Variants in RBPJ observed in about 807,000 individuals in gnomAD.
RBPJ encodes the protein recombination signal binding protein for immunoglobulin kappa J region.
In RBPJ, 9 loss-of-function variants were observed where a neutral mutation model predicts 67.8. That is an observed-to-expected ratio of 0.13 (90% CI 0.08 to 0.23). RBPJ has a LOEUF of 0.23. Ranked by LOEUF, RBPJ falls within the 10% of genes least tolerant of loss-of-function variation. The pLI, the probability that RBPJ is intolerant of heterozygous loss-of-function variation, is 1.00. For missense variants in RBPJ, 305 were observed against 595.6 expected, an observed-to-expected ratio of 0.51 and a Z score of 5.08; for synonymous variants, 198 against 203.3, an observed-to-expected ratio of 0.97 and a Z score of 0.22.
the RBPJ span, among the ~76,000 whole-genome samples, chr4:26,149,043 T>C: frequency 2.6e-5 from 4 of 152,022 alleles, no homozygotes; most frequent in African/African-American, 9.7e-5. Flanking sequence ...ACATGAAGAG[T>C]GGGGCCACAT....
chr4:26,186,914 CCCATTTTAAAAAATACACA>C (rs1717285722), intron 1 of RBPJ, among the ~76,000 whole-genome samples: 1 of 152,154 alleles, frequency 6.6e-6, no homozygotes, highest in East Asian at 1.9e-4. Context: ...CTCACTATCA[CCCATTTTAAAAAATACACA>C]AACAAGGCCT....
rs571189054 is a variant in RBPJ at position 26,208,620 on chromosome 4, G to A, written c.-167+45006G>A. ...CACAAGCCATATATCCTATTATGAT[G>A]AACCCAGTTTATCCATTGCTCCTTT... On this transcript the variant is annotated intron_variant, in intron 1 of 4. Coordinates refer to the RBPJ transcript ENST00000512351. 2.4e-4 allele frequency among the ~76,000 whole-genome samples: 36 copies of A among 152,280 alleles called. No homozygotes were observed. The South Asian group carries it at 7.0e-3, about 30-fold the overall frequency.
intron 2 of RBPJ, among the ~76,000 whole-genome samples, chr4:26,387,842 T>C (rs534124729): frequency 2.5e-4 from 38 of 152,314 alleles, no homozygotes; most frequent in Middle Eastern, 3.4e-3. Context: ...ATCTCATAAT[T>C]TATGGGGCAT....
the RBPJ span, among the ~76,000 whole-genome samples, chr4:26,141,761 G>A: frequency 6.5e-4 from 99 of 152,292 alleles, no homozygotes; most frequent in African/African-American, 2.1e-3. Context: ...CTGTCTAGCT[G>A]TAATTTTGCG....
rs558396761 is a variant in RBPJ at position 26,293,829 on chromosome 4, C to T, written c.-166-68617C>T. Among the ~76,000 whole-genome samples the T allele has an allele frequency of 4.3e-4, 66 of 152,314 alleles. 2 individuals carry two copies. In the South Asian group the frequency reaches 0.014, roughly 32 times the overall value. Reference sequence around the variant, plus strand: ...CTGGAGTGCAGTGGCACGATCTCTGCTCACTGCAACCTCTGCCTCCCAGGT... The same window carrying T: ...CTGGAGTGCAGTGGCACGATCTCTGTTCACTGCAACCTCTGCCTCCCAGGT... On this transcript the variant is annotated intron_variant, in intron 1 of 4. Coordinates refer to the RBPJ transcript ENST00000512351.
At chr4:26,140,647 A>G in the RBPJ span, among the ~76,000 whole-genome samples, 6 of 55,350 alleles carry the variant, frequency 1.1e-4, no homozygotes, top group Non-Finnish European at 2.0e-4. Flanking sequence ...CCCAAATCAC[A>G]TTGCCTCTGA....
At chr4:26,370,328 G>A (rs568745072) in intron 1 of RBPJ, among the ~76,000 whole-genome samples, 3 of 152,132 alleles carry the variant, frequency 2.0e-5, no homozygotes, top group African/African-American at 7.2e-5. Context: ...TTTATATCCT[G>A]AGCTCCTAAC....
chr4:26,195,797 T>C (rs990557430), intron 1 of RBPJ, among the ~76,000 whole-genome samples: 3 of 152,294 alleles, frequency 2.0e-5, no homozygotes, highest in African/African-American at 7.2e-5. Context: ...GGTTTCACCA[T>C]GTTGGTCAGG....
intron 4 of RBPJ, among the ~76,000 whole-genome samples, chr4:26,416,010 T>C (rs1335016989): frequency 6.6e-6 from 1 of 152,186 alleles, no homozygotes; most frequent in Non-Finnish European, 1.5e-5. Flanking sequence ...GCTATTTTAA[T>C]CTTAGTTTTA....
At chr4:26,247,943 A>G (rs569503278) in intron 1 of RBPJ, among the ~76,000 whole-genome samples, 2 of 152,298 alleles carry the variant, frequency 1.3e-5, no homozygotes, top group Admixed American at 1.3e-4. Context: ...TCAGCATCAC[A>G]CAATATATTC....
At chr4:26,350,878 ATGGCTTCTGGATT>A (rs1456679618) in intron 1 of RBPJ, among the ~76,000 whole-genome samples, 1 of 152,184 alleles carries the variant, frequency 6.6e-6, no homozygotes, top group Non-Finnish European at 1.5e-5. Flanking sequence ...ATTTGCTTTT[ATGGCTTCTGGATT>A]TTGCATGGTG....
chr4:26,171,362 G>A (rs1347802195), intron 1 of RBPJ, among the ~76,000 whole-genome samples: 3 of 152,068 alleles, frequency 2.0e-5, no homozygotes, highest in African/African-American at 7.2e-5. Flanking sequence ...ATGAGAATAT[G>A]GGGTAGAATT....
intron 1 of RBPJ, among the ~76,000 whole-genome samples, chr4:26,269,916 A>C (rs941175661): frequency 2.6e-5 from 4 of 152,148 alleles, no homozygotes; most frequent in African/African-American, 9.7e-5. Context: ...CAACACACTT[A>C]GGAAAGAGTT....
rs1719259519 is a variant in RBPJ at position 26,230,956 on chromosome 4, T to A, written c.-167+67342T>A. 2.6e-5 allele frequency among the ~76,000 whole-genome samples: 4 copies of A among 152,266 alleles called. No individual in the cohort carries two copies. The South Asian group carries it at 8.3e-4, about 32-fold the overall frequency. ...TCATTTTTAGCACGTCACCCAGAGATAATGGCAAGAATAAACCCCTCCCCC... is the reference window on the plus strand; with the variant it reads ...TCATTTTTAGCACGTCACCCAGAGAAAATGGCAAGAATAAACCCCTCCCCC... On this transcript the variant is annotated intron_variant, in intron 1 of 4. Transcript: ENST00000512351.
At chr4:26,339,452 G>A (rs1725262271) in intron 1 of RBPJ, among the ~76,000 whole-genome samples, 1 of 152,046 alleles carries the variant, frequency 6.6e-6, no homozygotes, top group Non-Finnish European at 1.5e-5. Flanking sequence ...TGGCCGACAT[G>A]GTGAAACCCC....
chr4:26,221,440 G>A (rs573501053), intron 1 of RBPJ, among the ~76,000 whole-genome samples: 13 of 152,232 alleles, frequency 8.5e-5, no homozygotes, highest in African/African-American at 2.9e-4. Context: ...TCCATTTCTA[G>A]ACTACTGTTT....
chr4:26,271,294 C>A (rs1182937483), intron 1 of RBPJ, among the ~76,000 whole-genome samples: 3 of 152,142 alleles, frequency 2.0e-5, no homozygotes, highest in Non-Finnish European at 4.4e-5. Flanking sequence ...TTCAGGCATC[C>A]ACTGGAGGGC....
chr4:26,392,652 C>T (rs1731633481), intron 2 of RBPJ, among the ~76,000 whole-genome samples: 1 of 151,998 alleles, frequency 6.6e-6, no homozygotes, highest in Non-Finnish European at 1.5e-5. Flanking sequence ...CAGTGGTTTC[C>T]TGGGGATAGG....
At chr4:26,163,605 C>T (rs567647404) in exon 1 of RBPJ, 2 of 152,292 alleles carry the variant, frequency 1.3e-5, no homozygotes, top group South Asian at 4.1e-4. Flanking sequence ...CTCTATCCAG[C>T]ATCATTGAGG....
Sources: allele counts gnomAD v4.1 joint callset (sites outside exome capture counted in the v4.1 genomes callset), GRCh38; gene constraint gnomAD v4.1.1; transcripts MANE v1.5; gene names NCBI Gene and HGNC (gene_info 2026-07-23, HGNC 2026-07-21).